ASIC2: variants seen among roughly 807,000 people sequenced by gnomAD.
The protein encoded by ASIC2 is acid-sensing ion channel 2.
In ASIC2, 25 loss-of-function variants were observed where a neutral mutation model predicts 57.3. That is an observed-to-expected ratio of 0.44 (90% CI 0.32 to 0.61). The LOEUF (loss-of-function observed/expected upper bound fraction) is 0.61. Ranked by LOEUF, ASIC2 falls within the 20% of genes least tolerant of loss-of-function variation. The probability of loss-of-function intolerance (pLI) is 0.06; values close to 1 mark genes in which losing one functional copy is unlikely to be tolerated. For synonymous variants in ASIC2, 319 were observed against 307.5 expected (o/e 1.04, Z -0.39); for missense variants, 641 against 738.1 (o/e 0.87, Z 1.52).
rs200451820 is a variant in ASIC2, at chr17:33,291,720, G to T, written c.396C>A (p.Ala132=). ...REWSRQLPFP[A]VTVCNNNPLR... is the part of the protein sequence containing the mutation. ...GCGGGTTGTTGTTGCACACAGTGAC[G>T]GCGGGGAAGGGTAACTGGCGGCTCC... Residue 132 remains alanine, a synonymous_variant, in exon 1 of 10, where the codon GCC becomes GCA. Coordinates refer to ENST00000225823, the MANE Select transcript of ASIC2 (RefSeq NM_183377.2). 7.1e-5 allele frequency: 115 copies of T among 1,613,136 alleles called. No homozygotes were observed. The highest frequency in any genetic ancestry group is 1.6e-4 in the Middle Eastern group (1 of 6,082).
At chr17:33,619,744 C>T (rs927939173) in intron 1 of ASIC2, among the ~76,000 whole-genome samples, 6 of 152,134 alleles carry the variant, frequency 3.9e-5, no homozygotes, top group Non-Finnish European at 5.9e-5. Context: ...AGCAGAGCTA[C>T]GTTCTTCTGT....
chr17:33,582,126 TA>T (rs1904463565), intron 1 of ASIC2, among the ~76,000 whole-genome samples: 1 of 152,182 alleles, frequency 6.6e-6, no homozygotes, highest in Admixed American at 6.5e-5. Context: ...AGTGTAGTTT[TA>T]AGCCACCGAG....
At chr17:33,067,813 C>A (rs1306793499) in intron 3 of ASIC2, among the ~76,000 whole-genome samples, 1 of 152,140 alleles carries the variant, frequency 6.6e-6, no homozygotes, top group Non-Finnish European at 1.5e-5. Flanking sequence ...TGGAGGTGGG[C>A]CAGGACGAGG....
intron 1 of ASIC2, chr17:34,070,143 A>G (rs4795858): frequency 0.87 from 132,448 of 151,962 alleles, 57,860 homozygotes; most frequent in South Asian, 0.9. Context: ...CTTTTGATGG[A>G]CATAAATTCC....
chr17:33,280,494 C>G (rs1287793353), intron 1 of ASIC2, among the ~76,000 whole-genome samples: 1 of 152,186 alleles, frequency 6.6e-6, no homozygotes, highest in Non-Finnish European at 1.5e-5. Flanking sequence ...AAAGTTCAGA[C>G]AAGAACTCTG....
intron 1 of ASIC2, among the ~76,000 whole-genome samples, chr17:33,474,738 C>T (rs949999085): frequency 1.4e-4 from 22 of 152,166 alleles, no homozygotes; most frequent in Non-Finnish European, 2.6e-4. Context: ...TCCACAAAGG[C>T]CAGCCTCCTA....
intron 1 of ASIC2, among the ~76,000 whole-genome samples, chr17:33,831,098 G>A (rs1913094314): frequency 1.3e-5 from 1 of 79,714 alleles, no homozygotes; most frequent in Non-Finnish European, 2.1e-5. Flanking sequence ...GACAGAGTAA[G>A]GCTCTGTCAA....
rs751767491 is a variant in ASIC2 at position 33,168,265 on chromosome 17, C to T, written c.709-56198G>A. Among the ~76,000 whole-genome samples the T allele has an allele frequency of 2.0e-5, 3 of 152,126 alleles. No individual in the cohort carries two copies. The East Asian group carries it at 5.8e-4, about 29-fold the overall frequency. On this transcript the variant is annotated intron_variant, in intron 1 of 9. Transcript: ENST00000225823. ...ATTCTGGTAAGACAGAAAATTGGTG[C>T]CAAAGAGTGGCACTGTTGCTATAAC...
chr17:33,092,590 G>C (rs997717065), intron 2 of ASIC2, among the ~76,000 whole-genome samples: 3 of 152,234 alleles, frequency 2.0e-5, no homozygotes, highest in African/African-American at 7.2e-5. Context: ...ATAGGTCTGA[G>C]GTCATCTACA....
intron 1 of ASIC2, among the ~76,000 whole-genome samples, chr17:33,267,228 C>T (rs541947840): frequency 6.7e-6 from 1 of 149,860 alleles, no homozygotes; most frequent in South Asian, 2.3e-4. Context: ...TCACATGCAC[C>T]CCTTACCCCC....
At chr17:33,803,232 A>G (rs779274738) in intron 1 of ASIC2, among the ~76,000 whole-genome samples, 2 of 152,170 alleles carry the variant, frequency 1.3e-5, no homozygotes, top group Non-Finnish European at 2.9e-5. Flanking sequence ...GGGTAAAGAG[A>G]GGAAATCTGT....
At chr17:33,523,126 G>A (rs1483177995) in intron 1 of ASIC2, among the ~76,000 whole-genome samples, 1 of 152,242 alleles carries the variant, frequency 6.6e-6, no homozygotes, top group Non-Finnish European at 1.5e-5. Flanking sequence ...GTTCTGTGAT[G>A]AAGGACCCTA....
intron 1 of ASIC2, among the ~76,000 whole-genome samples, chr17:33,145,226 C>T (rs1370455371): frequency 1.3e-5 from 2 of 152,230 alleles, no homozygotes; most frequent in East Asian, 1.9e-4. Context: ...CAGCCTCTAC[C>T]AGCTTCCAGC....
intron 1 of ASIC2, among the ~76,000 whole-genome samples, chr17:33,755,410 A>C (rs1474919371): frequency 6.6e-6 from 1 of 152,158 alleles, no homozygotes; most frequent in East Asian, 1.9e-4. Context: ...TTACAATAGC[A>C]ACAGGAAACG....
At chr17:33,866,559 G>A (rs974664649) in intron 1 of ASIC2, among the ~76,000 whole-genome samples, 20 of 152,240 alleles carry the variant, frequency 1.3e-4, no homozygotes, top group African/African-American at 4.8e-4. Flanking sequence ...AAGAGTATAT[G>A]TATTTAAAAT....
intron 1 of ASIC2, among the ~76,000 whole-genome samples, chr17:33,719,621 G>T (rs903986457): frequency 6.6e-6 from 1 of 152,192 alleles, no homozygotes; most frequent in Admixed American, 6.5e-5. Flanking sequence ...CTTGTACAGC[G>T]CAAACATCAC....
chr17:33,465,952 A>T (rs1912850883), intron 1 of ASIC2, among the ~76,000 whole-genome samples: 1 of 152,200 alleles, frequency 6.6e-6, no homozygotes, highest in African/African-American at 2.4e-5. Flanking sequence ...TTTCCTCAGG[A>T]TAAAGCCAGA....
intron 1 of ASIC2, among the ~76,000 whole-genome samples, chr17:34,136,333 C>T (rs1598043509): frequency 6.6e-6 from 1 of 152,276 alleles, no homozygotes; most frequent in East Asian, 1.9e-4. Flanking sequence ...AATCCCTTTC[C>T]CCTTCCACAT....
intron 1 of ASIC2, among the ~76,000 whole-genome samples, chr17:33,671,327 G>T (rs1907632430): frequency 6.6e-6 from 1 of 152,024 alleles, no homozygotes; most frequent in African/African-American, 2.4e-5. Flanking sequence ...GTAATAATCA[G>T]AAAAAAACTC....
Sources: allele counts gnomAD v4.1 joint callset (sites outside exome capture counted in the v4.1 genomes callset), GRCh38; gene constraint gnomAD v4.1.1; transcripts MANE v1.5; gene names NCBI Gene and HGNC (gene_info 2026-07-23, HGNC 2026-07-21).